ZNF208: variants seen among roughly 807,000 people sequenced by gnomAD.
ZNF208 encodes zinc finger protein 208.
In ZNF208, 10 loss-of-function variants were observed where a neutral mutation model predicts 12.1. The observed-to-expected ratio is 0.83, with a 90% confidence interval of 0.51 to 1.40. The LOEUF is 1.40. Ranked by LOEUF, ZNF208 falls within the 40% of genes most tolerant of loss-of-function variation. The probability of loss-of-function intolerance (pLI) is 0.00; values close to 1 mark genes in which losing one functional copy is unlikely to be tolerated. For missense variants in ZNF208, 1,652 were observed against 1,485.0 expected, an observed-to-expected ratio of 1.11 and a Z score of -1.85; for synonymous variants, 497 against 488.4, an observed-to-expected ratio of 1.02 and a Z score of -0.23.
chr19:21,985,323 T>C (rs1193916400), intron 3 of ZNF208, among the ~76,000 whole-genome samples: 2 of 152,182 alleles, frequency 1.3e-5, no homozygotes, highest in African/African-American at 2.4e-5. Flanking sequence ...ACATCTGTAA[T>C]GACAGCAACA....
In ZNF208 at chr19:21,988,840, G is replaced by C; in HGVS notation, c.73C>G (p.Gln25Glu). The C allele has an allele frequency of 2.5e-6, 4 of 1,614,120 alleles. No homozygotes were observed. The highest frequency in any genetic ancestry group is 3.4e-6 in the Non-Finnish European group (4 of 1,179,982). Reference sequence around the variant, plus strand: ...ATCACATTTCTATATAAATTCTGCTGTGCAGTGTCCAGGCATTGCCACTCC... The same window carrying C: ...ATCACATTTCTATATAAATTCTGCTCTGCAGTGTCCAGGCATTGCCACTCC... ...LEEWQCLDTA[Q>E]QNLYRNVMLE... The change falls in exon 2 of 4, where the codon CAG (glutamine) becomes GAG (glutamate). Residue 25 changes from glutamine to glutamate, a missense_variant. Coordinates refer to ENST00000397126, the MANE Select transcript of ZNF208 (RefSeq NM_007153.3).
intron 3 of ZNF208, among the ~76,000 whole-genome samples, chr19:21,981,732 T>G (rs1206534122): frequency 1.3e-5 from 2 of 152,180 alleles, no homozygotes; most frequent in East Asian, 3.9e-4. Flanking sequence ...GAAAAAGAAA[T>G]AAAGGATATT....
In ZNF208 at chr19:21,971,539, T is replaced by C; in HGVS notation, c.3495A>G (p.Val1165=). 1.2e-6 allele frequency: 2 copies of C among 1,610,942 alleles called. No homozygotes were observed. The highest frequency in any genetic ancestry group is 1.7e-6 in the Non-Finnish European group (2 of 1,179,830). The change falls in exon 4 of 4, where the codon GTA becomes GTG. Residue 1165 remains valine, a synonymous_variant. Transcript: ENST00000397126. ...ATTCTTCACATTTGTAGGGTTTCTC[T>C]ACAGTATGAATTTTCTTATGATAAC... is the stretch of plus-strand genomic sequence containing the variant. ...TLSYHKKIHT[V]EKPYKCEECG...
chr19:21,977,577 G>T (rs1337573004), intron 3 of ZNF208, among the ~76,000 whole-genome samples: 1 of 152,200 alleles, frequency 6.6e-6, no homozygotes, highest in Non-Finnish European at 1.5e-5. Context: ...GGTCTTCGCA[G>T]CCTGCAGACC....
chr19:21,976,864 T>TA (rs748814284), intron 3 of ZNF208, among the ~76,000 whole-genome samples: 1 of 151,810 alleles, frequency 6.6e-6, no homozygotes, highest in Admixed American at 6.6e-5. Context: ...CCCAGGCTAT[T>TA]AAAAAATTTT....
At chr19:21,982,108 A>G (rs1449409947) in intron 3 of ZNF208, among the ~76,000 whole-genome samples, 1 of 152,128 alleles carries the variant, frequency 6.6e-6, no homozygotes, top group Admixed American at 6.5e-5. Context: ...CTGTAATCCC[A>G]CCATTTTGGG....
rs1970254668 is a variant in ZNF208, at chr19:21,970,277, T to C, written c.*914A>G. On this transcript the variant is annotated 3_prime_UTR_variant, in exon 4 of 4. Coordinates refer to ENST00000397126, the MANE Select transcript of ZNF208 (RefSeq NM_007153.3). Reference sequence around the variant, plus strand: ...ACATTCTTCACACATGCATGGTTTCTCTCCAGTATGAGTTGTCTTATATGT... The same window carrying C: ...ACATTCTTCACACATGCATGGTTTCCCTCCAGTATGAGTTGTCTTATATGT... Among the ~76,000 whole-genome samples, 1 of 152,168 alleles carries C rather than the reference T, an allele frequency of 6.6e-6. No homozygotes were observed.
chr19:21,955,721 C>T (rs757003175), intron 4 of ZNF208, among the ~76,000 whole-genome samples: 8 of 152,100 alleles, frequency 5.3e-5, no homozygotes, highest in Non-Finnish European at 7.4e-5. Flanking sequence ...TTCTAGTTAG[C>T]CATTTGTCTA....
rs764502471 is a variant in ZNF208, at chr19:21,971,351, TC to T, written c.3682del (p.Glu1228LysfsTer18). Reference protein sequence around the residue: ...IHTGEKPYKCEECGKAFSTFS... With the variant: ...IHTGEKPYKCXECGKAFSTFS... ...CGTACTAAAGGCTTTGCCACATTCT[TC>T]ACATTTGTAGGGTTTCTCTCCAGTA... On this transcript the variant is annotated frameshift_variant, in exon 4 of 4. Coordinates refer to ENST00000397126, the MANE Select transcript of ZNF208 (RefSeq NM_007153.3). LOFTEE classifies it low-confidence loss of function (END_TRUNC). 1 of 1,611,522 alleles carries T rather than the reference TC, an allele frequency of 6.2e-7. No homozygotes were observed. The highest frequency in any genetic ancestry group is 8.5e-7 in the Non-Finnish European group (1 of 1,179,958).
chr19:21,939,836 A>C (rs1314660663), intron 4 of ZNF208: 7 of 152,242 alleles, frequency 4.6e-5, no homozygotes, highest in Non-Finnish European at 1.0e-4. Flanking sequence ...GATTTTTATT[A>C]AACATTGCAT....
chr19:22,002,018 TTTTGGGGA>T (rs1970963417), intron 1 of ZNF208, among the ~76,000 whole-genome samples: 1 of 151,934 alleles, frequency 6.6e-6, no homozygotes, highest in Admixed American at 6.6e-5. Flanking sequence ...CTATGGTTTA[TTTTGGGGA>T]TTTAAGGTTT....
At position 21,972,253 on chromosome 19, in the gene ZNF208, G is replaced by T. The variant is rs771692593; in HGVS notation, c.2781C>A (p.Ser927Arg). 1.9e-6 allele frequency: 3 copies of T among 1,612,986 alleles called. No homozygotes were observed. The highest frequency in any genetic ancestry group is 2.5e-6 in the Non-Finnish European group (3 of 1,179,770). The change falls in exon 4 of 4, where the codon AGC (serine) becomes AGA (arginine). Residue 927 changes from serine to arginine, a missense_variant. Coordinates refer to ENST00000397126, the MANE Select transcript of ZNF208 (RefSeq NM_007153.3). ...TATGTTTACTAAAGACTGACAACCAGCTGAAGGCTTTGCCACATTCTTCAC... is the reference window on the plus strand; with the variant it reads ...TATGTTTACTAAAGACTGACAACCATCTGAAGGCTTTGCCACATTCTTCAC... ...YKCEECGKAF[S>R]WLSVFSKHKK...
At chr19:21,955,131 C>T (rs1599603818) in intron 4 of ZNF208, among the ~76,000 whole-genome samples, 1 of 152,160 alleles carries the variant, frequency 6.6e-6, no homozygotes, top group Non-Finnish European at 1.5e-5. Context: ...GTTGAAAACC[C>T]TTTTCTTTAA....
intron 1 of ZNF208, among the ~76,000 whole-genome samples, chr19:22,004,151 C>T (rs750804085): frequency 1.3e-4 from 19 of 151,938 alleles, no homozygotes; most frequent in Non-Finnish European, 1.6e-4. Context: ...TGCACTCCAG[C>T]CTGGGAAAAA....
chr19:21,948,788 C>CAA (rs35392632), intron 4 of ZNF208, among the ~76,000 whole-genome samples: 41 of 151,590 alleles, frequency 2.7e-4, no homozygotes, highest in East Asian at 1.8e-3. Flanking sequence ...TTACAGGCAG[C>CAA]AAAAAAACTC....
In ZNF208 at chr19:21,990,770, CTT is replaced by C. The variant is rs1970719405; in HGVS notation, c.4-1863_4-1862del. ...ATGTTCTTCCATTTGTTTGTATCCT[CTT>C]TTATTTCATTGAGCAGTGGTTTGTA... is the stretch of plus-strand genomic sequence containing the variant. On this transcript the variant is annotated intron_variant, in intron 1 of 3. Coordinates refer to ENST00000397126, the MANE Select transcript of ZNF208 (RefSeq NM_007153.3). Among the ~76,000 whole-genome samples, 3 of 152,068 alleles carry C rather than the reference CTT, an allele frequency of 2.0e-5. No individual in the cohort carries two copies. The South Asian group carries it at 6.2e-4, about 32-fold the overall frequency.
At chr19:21,956,628 C>T (rs1318612446) in intron 4 of ZNF208, among the ~76,000 whole-genome samples, 1 of 152,176 alleles carries the variant, frequency 6.6e-6, no homozygotes, top group South Asian at 2.1e-4. Context: ...GGCATGGGAC[C>T]CTGTGAGTCA....
At chr19:22,006,759 T>A (rs1264599473) in intron 1 of ZNF208, among the ~76,000 whole-genome samples, 1 of 152,220 alleles carries the variant, frequency 6.6e-6, no homozygotes, top group Non-Finnish European at 1.5e-5. Context: ...ACTTAGTTTT[T>A]GAAATTGTGT....
Position 22,010,914 on chromosome 19 carries a change from T to G in ZNF208, c.-120A>C. 1 of 1,448,614 alleles carries G rather than the reference T, an allele frequency of 6.9e-7. No homozygotes were observed. The highest frequency in any genetic ancestry group is 9.6e-7 in the Non-Finnish European group (1 of 1,036,534). The allele number at this position is 1,448,614 out of a possible 1,614,324, so 89.7% of individuals were successfully genotyped here. ...GACACACAGCAGTAAGGACGAGACC[T>G]TGACCTCCGGCTGCAGCGAGAGACA... On this transcript the variant is annotated 5_prime_UTR_variant, in exon 1 of 4. Coordinates refer to ENST00000397126, the MANE Select transcript of ZNF208 (RefSeq NM_007153.3).
Sources: gnomAD v4.1 joint callset for allele counts (sites outside exome capture counted in the v4.1 genomes callset) on GRCh38, gnomAD v4.1.1 for gene constraint, MANE v1.5 for transcripts, NCBI Gene and HGNC (gene_info 2026-07-23, HGNC 2026-07-21) for gene names.